CDIN1: variants seen among roughly 807,000 people sequenced by gnomAD.
The protein encoded by CDIN1 is CDAN1-interacting nuclease 1.
Under a neutral mutation model 45.3 loss-of-function variants are expected in CDIN1, and 33 were observed. The ratio of observed to expected loss-of-function variants is 0.73; its 90% CI spans 0.55 to 0.97. The LOEUF is 0.97. CDIN1 is among the 50% of genes least tolerant of loss of function. CDIN1 has a pLI of 0.00. For missense variants in CDIN1, 303 were observed against 339.4 expected (o/e 0.89, Z 0.84); for synonymous variants, 118 against 124.4 (o/e 0.95, Z 0.34).
chr15:36,748,138 C>T (rs1208779875), intron 10 of CDIN1, among the ~76,000 whole-genome samples: 2 of 152,120 alleles, frequency 1.3e-5, no homozygotes, highest in Non-Finnish European at 2.9e-5. Context: ...TTTTCTTACT[C>T]ATCTGTAAAA....
At chr15:36,587,851 TA>T (rs934885455) in intron 1 of CDIN1, among the ~76,000 whole-genome samples, 4 of 152,216 alleles carry the variant, frequency 2.6e-5, no homozygotes, top group Non-Finnish European at 4.4e-5. Context: ...CAAACCCAAG[TA>T]AAGTCAGGCT....
chr15:36,723,776 A>G lies in CDIN1; in HGVS notation c.716+13815A>G, dbSNP rs77270393. Among the ~76,000 whole-genome samples, 734 of 152,304 alleles carry G rather than the reference A, an allele frequency of 4.8e-3. 5 individuals carry two copies. Among genetic ancestry groups the G allele is most frequent in the Non-Finnish European group, 8.2e-3 (560 of 68,026 alleles). On this transcript the variant is annotated intron_variant, in intron 10 of 10. Coordinates refer to ENST00000566621, the MANE Select transcript of CDIN1 (RefSeq NM_001321759.2). The stretch of plus-strand genomic sequence containing the variant: ...AGTTCTAGCAAACTGGCCCATCAGT[A>G]GTGGCATAGATATACAGTTAAATTC...
At chr15:36,765,669 C>A (rs2053903493) in intron 10 of CDIN1, among the ~76,000 whole-genome samples, 1 of 151,936 alleles carries the variant, frequency 6.6e-6, no homozygotes, top group South Asian at 2.1e-4. Context: ...AATTATTATC[C>A]TTTTTCCTAA....
At chr15:36,580,140 ACT>A in intron 1 of CDIN1, among the ~76,000 whole-genome samples, 179 bp downstream of exon 1, 1 of 152,204 alleles carries the variant, frequency 6.6e-6, no homozygotes, top group Admixed American at 6.5e-5. Context: ...TCCACACAAA[ACT>A]CTTAACGGTG....
At chr15:36,635,738 C>T (rs1012781278) in intron 1 of CDIN1, among the ~76,000 whole-genome samples, 1 of 152,186 alleles carries the variant, frequency 6.6e-6, no homozygotes, top group African/African-American at 2.4e-5. Flanking sequence ...GAAATTAAAA[C>T]ATTCTGCAGG....
chr15:36,588,968 G>C (rs1470105446), intron 1 of CDIN1, among the ~76,000 whole-genome samples: 1 of 152,008 alleles, frequency 6.6e-6, no homozygotes, highest in Non-Finnish European at 1.5e-5. Context: ...CATGTAATTA[G>C]AATATTGGCT....
intron 10 of CDIN1, among the ~76,000 whole-genome samples, chr15:36,740,545 T>A (rs1413964168): frequency 6.6e-6 from 1 of 152,134 alleles, no homozygotes; most frequent in Non-Finnish European, 1.5e-5. Context: ...GGAGATATAA[T>A]GGGCCCACTA....
chr15:36,693,014 C>G (rs2042307327), intron 7 of CDIN1, among the ~76,000 whole-genome samples: 1 of 152,076 alleles, frequency 6.6e-6, no homozygotes, highest in East Asian at 1.9e-4. Context: ...AAACATGTCC[C>G]TCCTGGTATG....
At chr15:36,669,586 C>G (rs1039793075) in intron 5 of CDIN1, among the ~76,000 whole-genome samples, 10 of 151,848 alleles carry the variant, frequency 6.6e-5, no homozygotes, top group Non-Finnish European at 1.2e-4. Context: ...TCACTGGTAC[C>G]TTACTATTAT....
At chr15:36,648,232 T>G (rs2040422658) in intron 3 of CDIN1, among the ~76,000 whole-genome samples, 1 of 152,124 alleles carries the variant, frequency 6.6e-6, no homozygotes, top group Non-Finnish European at 1.5e-5. Context: ...TGTCAGCCCA[T>G]TTTTATATTG....
intron 10 of CDIN1, among the ~76,000 whole-genome samples, chr15:36,718,501 A>T (rs1445046139): frequency 6.6e-6 from 1 of 152,034 alleles, no homozygotes; most frequent in African/African-American, 2.4e-5. Context: ...ACATCTCTCC[A>T]TTTATTTAGG....
intron 10 of CDIN1, among the ~76,000 whole-genome samples, chr15:36,777,488 A>G (rs2141043387): frequency 6.6e-6 from 1 of 152,266 alleles, no homozygotes; most frequent in East Asian, 1.9e-4. Context: ...AAGGTTGCCA[A>G]CATTCTAGCT....
At chr15:36,807,560 T>C (rs1214801646) in intron 10 of CDIN1, among the ~76,000 whole-genome samples, 2 of 152,182 alleles carry the variant, frequency 1.3e-5, no homozygotes, top group Non-Finnish European at 2.9e-5. Context: ...GGCCACTTCC[T>C]GAGTCTGCCT....
chr15:36,689,722 A>G lies in CDIN1; in HGVS notation c.347-1963A>G, dbSNP rs1293205257. ...TTGCTGCTGTAATCTTTTCTTTTAT[A>G]AGAAGATGATTCATTGTTTCCTATT... On this transcript the variant is annotated intron_variant, in intron 5 of 10. Transcript: ENST00000566621. 2.6e-5 allele frequency among the ~76,000 whole-genome samples: 4 copies of G among 152,132 alleles called. No homozygotes were observed. In the East Asian group the frequency reaches 5.8e-4, roughly 22 times the overall value.
intron 3 of CDIN1, among the ~76,000 whole-genome samples, chr15:36,647,211 A>T (rs1042032259): frequency 6.6e-6 from 1 of 151,732 alleles, no homozygotes; most frequent in Non-Finnish European, 1.5e-5. Context: ...AAGTTTATAG[A>T]GACAGGGTCT....
chr15:36,681,068 T>C (rs1165332789), intron 5 of CDIN1, among the ~76,000 whole-genome samples: 1 of 151,768 alleles, frequency 6.6e-6, no homozygotes, highest in African/African-American at 2.4e-5. Flanking sequence ...TAGAATACCA[T>C]GAACTAGAGA....
intron 10 of CDIN1, among the ~76,000 whole-genome samples, chr15:36,739,074 T>G (rs2044137758): frequency 6.6e-6 from 1 of 152,172 alleles, no homozygotes; most frequent in African/African-American, 2.4e-5. Flanking sequence ...AAATAAACAA[T>G]CATCAGTCTT....
At chr15:36,685,635 G>A (rs1446974888) in intron 5 of CDIN1, among the ~76,000 whole-genome samples, 1 of 152,086 alleles carries the variant, frequency 6.6e-6, no homozygotes, top group East Asian at 1.9e-4. Flanking sequence ...CTACAAAATG[G>A]GAGAAAATTT....
At chr15:36,721,968 A>G (rs140529845) in intron 10 of CDIN1, among the ~76,000 whole-genome samples, 1 of 152,182 alleles carries the variant, frequency 6.6e-6, no homozygotes, top group East Asian at 1.9e-4. Context: ...AGCTGGGCCA[A>G]TCAAATGGCT....
Sources: allele counts gnomAD v4.1 joint callset (sites outside exome capture counted in the v4.1 genomes callset), GRCh38; gene constraint gnomAD v4.1.1; transcripts MANE v1.5; gene names NCBI Gene and HGNC (gene_info 2026-07-23, HGNC 2026-07-21).